The following KNTC1 variants were observed in gnomAD, a reference collection of about 807,000 sequenced individuals.
The protein encoded by KNTC1 is kinetochore associated 1.
In KNTC1, 253 loss-of-function variants were observed where a neutral mutation model predicts 314.4. The observed-to-expected ratio is 0.80, with a 90% CI of 0.73 to 0.89. The LOEUF (loss-of-function observed/expected upper bound fraction) is 0.89. KNTC1 is among the 40% of genes least tolerant of loss of function. KNTC1 has a pLI of 0.00. For synonymous variants in KNTC1, 901 were observed against 901.4 expected, an observed-to-expected ratio of 1.00 and a Z score of 0.01; for missense variants, 2,475 against 2,572.9, an observed-to-expected ratio of 0.96 and a Z score of 0.82.
rs1288762934 is a variant in KNTC1 at position 122,576,949 on chromosome 12, T to G, written c.2641T>G (p.Leu881Val). 6.2e-7 allele frequency: 1 copy of G among 1,601,762 alleles called. No homozygotes were observed. The highest frequency in any genetic ancestry group is 2.2e-5 in the East Asian group (1 of 44,488). Residue 881 changes from leucine to valine, a missense_variant, in exon 30 of 64, where the codon TTA becomes GTA. Physicochemically the swap from Leu to Val is conservative, Grantham distance 32. Transcript: ENST00000333479. ...TGTCCCATCTTCTTTAGAAGATGCT[T>G]TAAAGGTAGCCCAAGCGTTTATGTT... ...QDVPSSLEDA[L>V]KVAQAFMLSD...
chr12:122,623,765 TG>T (rs1874693172), intron 62 of KNTC1, among the ~76,000 whole-genome samples: 1 of 152,020 alleles, frequency 6.6e-6, no homozygotes, highest in African/African-American at 2.4e-5. Flanking sequence ...TACAAAACAT[TG>T]CTCCAAAAAC....
chr12:122,592,102 GGGCCCTGCACTCGGAGCGGCCGGCC>G (rs1369356209), intron 42 of KNTC1, among the ~76,000 whole-genome samples: 2 of 151,998 alleles, frequency 1.3e-5, no homozygotes, highest in African/African-American at 4.9e-5. Flanking sequence ...TGGGCTTGGC[GGGCCCTGCACTCGGAGCGGCCGGCC>G]GGCCCTGCCG....
At chr12:122,574,768 C>G (rs1964909566) in intron 27 of KNTC1, among the ~76,000 whole-genome samples, 1 of 152,144 alleles carries the variant, frequency 6.6e-6, no homozygotes, top group African/African-American at 2.4e-5. Flanking sequence ...CATTTCCACC[C>G]CCAGGGGAAC....
In KNTC1 at chr12:122,587,570, C is replaced by T. The variant is rs555517268; in HGVS notation, c.3731-141C>T. 7.2e-6 allele frequency: 4 copies of T among 552,514 alleles called. No individual in the cohort carries two copies. The East Asian group carries it at 1.3e-4, about 18-fold the overall frequency. 34.2% of individuals were successfully genotyped at this position (552,514 alleles called of 1,614,324 possible). ...TGGTTTAAGTCAAGCCTCATGTTAA[C>T]TTCTCATTAACTAACTGAGAACAAA... is the stretch of plus-strand genomic sequence containing the variant. On this transcript the variant is annotated intron_variant, in intron 38 of 63. Transcript: ENST00000333479.
rs780242231 is a variant in KNTC1 at position 122,584,314 on chromosome 12, G to A, written c.3300G>A (p.Gly1100=). The change falls in exon 35 of 64, where the codon GGG becomes GGA. Residue 1100 remains glycine (G), a synonymous_variant. Transcript: ENST00000333479. ...LFKYHCNADT[G]KLLFLTCQKL... ...AGTATCACTGCAATGCTGACACTGG[G>A]AAATTGCTATTTCTGACATGTCAGA... The A allele has an allele frequency of 6.8e-6, 11 of 1,613,326 alleles. No homozygotes were observed. Among genetic ancestry groups the A allele is most frequent in the Non-Finnish European group, 4.2e-6 (5 of 1,179,582 alleles).
chr12:122,547,477 C>T lies in KNTC1; in HGVS notation c.879C>T (p.His293=), dbSNP rs377285824. Residue 293 remains histidine, a synonymous_variant, in exon 11 of 64, where the codon CAC becomes CAT. Coordinates refer to ENST00000333479, the MANE Select transcript of KNTC1 (RefSeq NM_014708.6). ...LTPVWNWPSL[H]VEEFLLTTEA... ...CTGTATGGAACTGGCCCTCTCTTCA[C>T]GTAGAAGAGTTTCTTCTTACTACAG... The T allele has an allele frequency of 3.4e-5, 55 of 1,613,006 alleles. No homozygotes were observed. Among genetic ancestry groups the T allele is most frequent in the Admixed American group, 6.7e-5 (4 of 59,962 alleles).
At chr12:122,541,198 AC>A (rs1431344585) in intron 5 of KNTC1, among the ~76,000 whole-genome samples, 5 of 151,582 alleles carry the variant, frequency 3.3e-5, no homozygotes, top group African/African-American at 1.2e-4. Context: ...AAAACAAAAA[AC>A]AAAAAAAAAA....
chr12:122,584,844 C>T, intron 35 of KNTC1, 49 bp from the exon 36 acceptor site: 1 of 965,096 alleles, frequency 1.0e-6, no homozygotes, highest in Non-Finnish European at 1.6e-6. Flanking sequence ...TTTCATTATC[C>T]TAAAGACATG....
rs1468032148 is a variant in KNTC1 at position 122,538,431 on chromosome 12, T to A, written c.343T>A (p.Ser115Thr). The A allele has an allele frequency of 2.5e-6, 4 of 1,590,452 alleles. No homozygotes were observed. The highest frequency in any genetic ancestry group is 3.4e-6 in the Non-Finnish European group (4 of 1,165,542). The change falls in exon 4 of 64, where the codon TCA becomes ACA. Residue 115 changes from serine to threonine, a missense_variant. By Grantham distance (58) the Ser-to-Thr change is moderately conservative. Transcript: ENST00000333479. ...CAACCTACATCTTATTCATGTAACATCAAAACAAACACTACTCACTAATGT... is the reference window on the plus strand; with the variant it reads ...CAACCTACATCTTATTCATGTAACAACAAAACAAACACTACTCACTAATGT... ...SGNLHLIHVT[S>T]KQTLLTNAFV... is the part of the protein sequence containing the mutation.
intron 48 of KNTC1, 100 bp downstream of exon 48, chr12:122,603,343 C>T: frequency 2.3e-6 from 2 of 871,014 alleles, no homozygotes; most frequent in East Asian, 2.6e-5. Flanking sequence ...AATGTATTTG[C>T]TTGCTCTCTT....
At chr12:122,595,049 T>C (rs1323542257) in intron 43 of KNTC1, among the ~76,000 whole-genome samples, 1 of 152,120 alleles carries the variant, frequency 6.6e-6, no homozygotes, top group Non-Finnish European at 1.5e-5. Flanking sequence ...CTAATTTTTA[T>C]ATTTTTAATA....
chr12:122,587,933 C>T, intron 39 of KNTC1, 59 bp downstream of exon 39: 1 of 1,443,316 alleles, frequency 6.9e-7, no homozygotes, highest in Non-Finnish European at 9.4e-7. Flanking sequence ...AAAGCGCTAA[C>T]AGAGGAATTT....
At chr12:122,550,749 T>C (rs1339890473) in intron 13 of KNTC1, among the ~76,000 whole-genome samples, 1 of 152,202 alleles carries the variant, frequency 6.6e-6, no homozygotes, top group Non-Finnish European at 1.5e-5. Context: ...GTGAGCTTCC[T>C]GGCTCACCTC....
At chr12:122,607,533 A>C (rs1459782397) in intron 51 of KNTC1, among the ~76,000 whole-genome samples, 1 of 152,162 alleles carries the variant, frequency 6.6e-6, no homozygotes, top group Non-Finnish European at 1.5e-5. Flanking sequence ...ATCATACTGC[A>C]TAAGTTGTGT....
intron 13 of KNTC1, 24 bp downstream of exon 13, chr12:122,549,888 T>A: frequency 7.7e-7 from 1 of 1,305,104 alleles, no homozygotes; most frequent in Non-Finnish European, 1.1e-6. Context: ...CATTTTAAAG[T>A]ATTCTTTTAA....
intron 27 of KNTC1, among the ~76,000 whole-genome samples, chr12:122,574,976 T>A (rs1964921119): frequency 6.6e-6 from 1 of 152,188 alleles, no homozygotes; most frequent in Non-Finnish European, 1.5e-5. Flanking sequence ...AACCAGAGAC[T>A]GAGGCTGGAC....
chr12:122,588,600 A>T, intron 39 of KNTC1, 112 bp from the exon 40 acceptor site: 2 of 801,682 alleles, frequency 2.5e-6, no homozygotes, highest in Non-Finnish European at 3.7e-6. Flanking sequence ...TTAAATTCTG[A>T]TACTTTTTGG....
At chr12:122,560,149 A>G (rs149916936) in intron 18 of KNTC1, among the ~76,000 whole-genome samples, 2 of 152,148 alleles carry the variant, frequency 1.3e-5, no homozygotes, top group African/African-American at 4.8e-5. Context: ...TTAGCATAAT[A>G]TCCTCCAGGT....
At chr12:122,601,944 G>C (rs1871975209) in intron 45 of KNTC1, 1 of 183,384 alleles carries the variant, frequency 5.5e-6, no homozygotes, top group African/African-American at 2.4e-5. Context: ...TGTAGGAAGT[G>C]AAAAAGGCCA....
Sources: gnomAD v4.1 joint callset for allele counts (sites outside exome capture counted in the v4.1 genomes callset) on GRCh38, gnomAD v4.1.1 for gene constraint, MANE v1.5 for transcripts, NCBI Gene and HGNC (gene_info 2026-07-23, HGNC 2026-07-21) for gene names.